Variants in NKAIN3 observed in about 807,000 individuals in gnomAD.
The protein encoded by NKAIN3 is sodium/potassium transporting ATPase interacting 3, also known as sodium/potassium-transporting ATPase subunit beta-1-interacting protein 3.
Under a neutral mutation model 30.2 loss-of-function variants are expected in NKAIN3, and 25 were observed. That is an observed-to-expected ratio of 0.83 (90% CI 0.60 to 1.16). NKAIN3 has a LOEUF of 1.16. Among genes scored for constraint, NKAIN3 ranks in the 50% most tolerant of loss-of-function variants. The probability of loss-of-function intolerance (pLI) is 0.00; values close to 1 mark genes in which losing one functional copy is unlikely to be tolerated. For synonymous variants in NKAIN3, 91 were observed against 89.6 expected (o/e 1.02, Z -0.09); for missense variants, 225 against 254.1 (o/e 0.89, Z 0.78).
chr8:62,911,769 G>A (rs754596868), intron 4 of NKAIN3, among the ~76,000 whole-genome samples: 2 of 152,044 alleles, frequency 1.3e-5, no homozygotes, highest in African/African-American at 2.4e-5. Flanking sequence ...CCAAAGTAAT[G>A]AATTCAAAGA....
intron 1 of NKAIN3, among the ~76,000 whole-genome samples, chr8:62,270,352 GATTACAGTC>G (rs1812742666): frequency 1.3e-5 from 2 of 152,156 alleles, no homozygotes; most frequent in South Asian, 4.2e-4. Context: ...AAAGTGCTGG[GATTACAGTC>G]ATGAGCCCCT....
At chr8:62,597,138 G>A (rs1824988) in intron 3 of NKAIN3, among the ~76,000 whole-genome samples, 9,173 of 152,106 alleles carry the variant, frequency 0.06, 960 homozygotes, top group African/African-American at 0.21. Context: ...GGTATGCCAC[G>A]GGTTGCAAGC....
chr8:62,856,085 A>T (rs1820051611), intron 4 of NKAIN3: 2 of 704,638 alleles, frequency 2.8e-6, no homozygotes, highest in Admixed American at 4.0e-5. Flanking sequence ...TCAAACCTGG[A>T]TCATCAAACT....
intron 1 of NKAIN3, among the ~76,000 whole-genome samples, chr8:62,455,372 A>G (rs922847365): frequency 1.3e-5 from 2 of 152,200 alleles, no homozygotes; most frequent in African/African-American, 4.8e-5. Context: ...TTGCAGCAGT[A>G]TGGATGCAGC....
chr8:62,707,356 G>A (rs1814564767), intron 3 of NKAIN3, among the ~76,000 whole-genome samples: 1 of 152,082 alleles, frequency 6.6e-6, no homozygotes, highest in African/African-American at 2.4e-5. Flanking sequence ...CAGTGTAGCA[G>A]TGTTTCCTGT....
chr8:62,942,063 A>G (rs1288846170), intron 5 of NKAIN3, among the ~76,000 whole-genome samples: 6 of 151,922 alleles, frequency 3.9e-5, no homozygotes, highest in African/African-American at 1.4e-4. Context: ...AATTCAGTAA[A>G]GTTTCAGGAT....
chr8:62,451,829 C>T (rs934310389), intron 1 of NKAIN3, among the ~76,000 whole-genome samples: 2 of 152,122 alleles, frequency 1.3e-5, no homozygotes, highest in African/African-American at 4.8e-5. Context: ...TAGAAAGCTT[C>T]AGAAATGACC....
intron 1 of NKAIN3, among the ~76,000 whole-genome samples, chr8:62,415,082 T>C (rs1804387816): frequency 6.9e-6 from 1 of 144,424 alleles, no homozygotes; most frequent in Non-Finnish European, 1.5e-5. Flanking sequence ...TTTTATACTA[T>C]ATATACTATA....
At chr8:62,701,432 T>G (rs1169285123) in intron 3 of NKAIN3, among the ~76,000 whole-genome samples, 4 of 152,178 alleles carry the variant, frequency 2.6e-5, no homozygotes, top group Non-Finnish European at 5.9e-5. Flanking sequence ...TTATGGGTTG[T>G]GAGAGCACAA....
intron 1 of NKAIN3, among the ~76,000 whole-genome samples, chr8:62,297,461 C>CA (rs755853116): frequency 1.3e-5 from 2 of 151,838 alleles, no homozygotes; most frequent in Non-Finnish European, 2.9e-5. Flanking sequence ...ACAATGAACT[C>CA]AAACAAATTT....
intron 2 of NKAIN3, among the ~76,000 whole-genome samples, chr8:62,581,831 TC>T (rs1810307490): frequency 1.0e-4 from 1 of 9,730 alleles, no homozygotes; most frequent in African/African-American, 2.7e-4. Flanking sequence ...CTTCCTTCCC[TC>T]TTTCCTTTTT....
intron 4 of NKAIN3, among the ~76,000 whole-genome samples, chr8:62,870,271 GAT>G (rs759934578): frequency 1.2e-5 from 1 of 85,632 alleles, no homozygotes; most frequent in Non-Finnish European, 2.8e-5. Flanking sequence ...TCTATATATA[GAT>G]ATATATAAAT....
chr8:62,966,853 T>TA lies in NKAIN3; in HGVS notation c.*1447dup, dbSNP rs1318427073. On this transcript the variant is annotated 3_prime_UTR_variant, in exon 7 of 7. Coordinates refer to ENST00000623646, the MANE Select transcript of NKAIN3 (RefSeq NM_001304533.3). ...CCGTCTATTAACCACCTAAAACTGT[T>TA]ACAAATATTTGTATGTGTGTGAAAG... Among the ~76,000 whole-genome samples, 2 of 152,244 alleles carry TA rather than the reference T, an allele frequency of 1.3e-5. No homozygotes were observed. Among genetic ancestry groups the TA allele is most frequent in the African/African-American group, 4.8e-5 (2 of 41,468 alleles).
chr8:62,302,388 A>C (rs1168268010), intron 1 of NKAIN3, among the ~76,000 whole-genome samples: 2 of 152,086 alleles, frequency 1.3e-5, no homozygotes, highest in African/African-American at 2.4e-5. Flanking sequence ...CAAAGACTAG[A>C]CATCGTTTCT....
chr8:62,270,214 G>A (rs914176040), intron 1 of NKAIN3, among the ~76,000 whole-genome samples: 2 of 151,964 alleles, frequency 1.3e-5, no homozygotes, highest in South Asian at 4.2e-4. Flanking sequence ...TGAGTAGCTG[G>A]TATCACAGTC....
At chr8:62,381,986 A>G (rs2129594011) in intron 1 of NKAIN3, among the ~76,000 whole-genome samples, 3 of 152,218 alleles carry the variant, frequency 2.0e-5, no homozygotes, top group Admixed American at 2.0e-4. Context: ...GTCTTTAGGG[A>G]CTGCACAGCA....
At chr8:62,250,105 A>G (rs566456374) in intron 1 of NKAIN3, among the ~76,000 whole-genome samples, 5 of 152,352 alleles carry the variant, frequency 3.3e-5, no homozygotes, top group African/African-American at 9.6e-5. Flanking sequence ...ATAAACTAGT[A>G]TATTTTGACA....
chr8:62,676,491 C>T (rs986613941), intron 3 of NKAIN3, among the ~76,000 whole-genome samples: 1 of 152,178 alleles, frequency 6.6e-6, no homozygotes, highest in African/African-American at 2.4e-5. Flanking sequence ...ATGGCGTGAA[C>T]GTGGGAGGCG....
At chr8:62,377,665 A>G (rs1817132541) in intron 1 of NKAIN3, among the ~76,000 whole-genome samples, 1 of 152,086 alleles carries the variant, frequency 6.6e-6, no homozygotes, top group East Asian at 1.9e-4. Context: ...GGTTCCCCCC[A>G]TGCTGTTCTC....
Sources: allele counts gnomAD v4.1 joint callset (sites outside exome capture counted in the v4.1 genomes callset), GRCh38; gene constraint gnomAD v4.1.1; transcripts MANE v1.5; gene names NCBI Gene and HGNC (gene_info 2026-07-23, HGNC 2026-07-21).